PLCB4: variants seen among roughly 807,000 people sequenced by gnomAD.
The protein encoded by PLCB4 is 1-phosphatidylinositol 4,5-bisphosphate phosphodiesterase beta-4.
In PLCB4, 77 loss-of-function variants were observed where a neutral mutation model predicts 178.8. The ratio of observed to expected loss-of-function variants is 0.43; its 90% CI spans 0.36 to 0.52. The LOEUF (loss-of-function observed/expected upper bound fraction) is 0.52. Among genes scored for constraint, PLCB4 ranks in the 20% least tolerant of loss-of-function variants. The probability of loss-of-function intolerance (pLI) is 0.00; values close to 1 mark genes in which losing one functional copy is unlikely to be tolerated. For synonymous variants in PLCB4, 496 were observed against 490.8 expected (o/e 1.01, Z -0.14); for missense variants, 1,024 against 1,453.4 (o/e 0.70, Z 4.80).
chr20:9,250,386 A>G (rs566731303), intron 3 of PLCB4, among the ~76,000 whole-genome samples: 87 of 152,350 alleles, frequency 5.7e-4, no homozygotes, highest in Middle Eastern at 3.4e-3. Context: ...CAGCTTTTCT[A>G]TGAAGCACTC....
At chr20:9,312,947 A>C (rs2147905607) in intron 4 of PLCB4, among the ~76,000 whole-genome samples, 1 of 152,332 alleles carries the variant, frequency 6.6e-6, no homozygotes, top group East Asian at 1.9e-4. Context: ...TATCTATTAA[A>C]CTTCGAAGAA....
chr20:9,402,352 C>A (rs1047741100), intron 20 of PLCB4, among the ~76,000 whole-genome samples: 1 of 152,144 alleles, frequency 6.6e-6, no homozygotes, highest in Non-Finnish European at 1.5e-5. Flanking sequence ...TGCGGAGGGA[C>A]CACAGTAACA....
intron 4 of PLCB4, among the ~76,000 whole-genome samples, chr20:9,324,174 C>CAAAAA (rs112627020): frequency 3.0e-4 from 40 of 135,180 alleles, no homozygotes; most frequent in African/African-American, 9.6e-4. Flanking sequence ...GGTCCTGTCT[C>CAAAAA]AAAAAAAAAA....
At chr20:9,328,645 A>G (rs1318330270) in intron 4 of PLCB4, among the ~76,000 whole-genome samples, 1 of 152,214 alleles carries the variant, frequency 6.6e-6, no homozygotes. Context: ...GAACACTGTC[A>G]GTCTTTCATG....
At chr20:9,262,859 C>T (rs540617097) in intron 3 of PLCB4, among the ~76,000 whole-genome samples, 17 of 152,226 alleles carry the variant, frequency 1.1e-4, no homozygotes, top group African/African-American at 3.6e-4. Flanking sequence ...AAAAGGGGAA[C>T]GTATTGAAAG....
At position 9,216,208 on chromosome 20, in the gene PLCB4, T is replaced by TTTTG. The variant is rs575011384; in HGVS notation, c.-78-1162_-78-1159dup. ...CTTCTTTTTTTTTTTGAGATGGAGT[T>TTTTG]TTTGTTTGTTTGTTTGTTTGTTTTT... On this transcript the variant is annotated intron_variant, in intron 2 of 39. Coordinates refer to ENST00000378473, the MANE Select transcript of PLCB4 (RefSeq NM_001377142.1). Among the ~76,000 whole-genome samples the TTTTG allele has an allele frequency of 7.8e-3, 1,181 of 151,892 alleles. 18 individuals are homozygous for TTTTG. The highest frequency in any genetic ancestry group is 0.027 in the African/African-American group (1,134 of 41,410).
At chr20:9,395,732 G>T (rs1568730982) in intron 19 of PLCB4, 114 bp downstream of exon 19, 1 of 681,086 alleles carries the variant, frequency 1.5e-6, no homozygotes, top group East Asian at 3.1e-5. Context: ...GGGAGGCCAA[G>T]GTGGGAGGAT....
intron 28 of PLCB4, among the ~76,000 whole-genome samples, chr20:9,427,708 G>T (rs568674427): frequency 5.8e-4 from 88 of 152,256 alleles, no homozygotes; most frequent in Middle Eastern, 6.8e-3. Context: ...ATGAAACGAG[G>T]GTCAGTATTT....
At position 9,480,422 on chromosome 20, in the gene PLCB4, A is replaced by G. The variant is rs1302455383; in HGVS notation, c.*1413A>G. On this transcript the variant is annotated 3_prime_UTR_variant, in exon 40 of 40. Coordinates refer to ENST00000378473, the MANE Select transcript of PLCB4 (RefSeq NM_001377142.1). ...ACAAAGCGGAGAAAATGATGATACCATCAATATTGAAATTAAACTTCCAAC... is the reference window on the plus strand; with the variant it reads ...ACAAAGCGGAGAAAATGATGATACCGTCAATATTGAAATTAAACTTCCAAC... 4 of 152,636 alleles carry G rather than the reference A, an allele frequency of 2.6e-5. No individual in the cohort carries two copies. The highest frequency in any genetic ancestry group is 5.9e-5 in the Non-Finnish European group (4 of 68,044). 9.5% of individuals were successfully genotyped at this position (152,636 alleles called of 1,614,324 possible). A position where few individuals can be genotyped will look rare whatever the true frequency, so the allele number is the denominator to read the frequency against.
In PLCB4 at chr20:9,387,561, C is replaced by T. The variant is rs781508943; in HGVS notation, c.1158+5C>T. The stretch of plus-strand genomic sequence containing the variant: ...TGTACAGATATCCTTTTTAAGGTAA[C>T]TTTAAAAATAATTACACAGACTTTT... On this transcript the variant is annotated splice_donor_5th_base_variant and intron_variant, in intron 15 of 39. Transcript: ENST00000378473. 1.4e-6 allele frequency: 2 copies of T among 1,382,884 alleles called. No homozygotes were observed. The highest frequency in any genetic ancestry group is 1.3e-5 in the South Asian group (1 of 78,592). 85.7% of individuals were successfully genotyped at this position (1,382,884 alleles called of 1,614,324 possible).
At position 9,459,635 on chromosome 20, in the gene PLCB4, G is replaced by A. The variant is rs995467834; in HGVS notation, c.3073G>A (p.Val1025Ile). 5.0e-6 allele frequency: 8 copies of A among 1,595,690 alleles called. No individual in the cohort carries two copies. The highest frequency in any genetic ancestry group is 1.7e-5 in the Admixed American group (1 of 59,504). ...QTLTSDHKSK[V>I]KEIVAQHTKE... is the part of the protein sequence containing the mutation. Reference sequence around the variant, plus strand: ...GCACCGTCCCCTTTTTCCCAAACAGGTCAAAGAGATTGTAGCACAGCACAC... The same window carrying A: ...GCACCGTCCCCTTTTTCCCAAACAGATCAAAGAGATTGTAGCACAGCACAC... The change falls in exon 35 of 40, where the codon GTC becomes ATC. Residue 1025 changes from valine (V) to isoleucine (I), a missense_variant and splice_region_variant. Physicochemically the swap from Val to Ile is conservative, Grantham distance 29. Coordinates refer to ENST00000378473, the MANE Select transcript of PLCB4 (RefSeq NM_001377142.1).
intron 2 of PLCB4, among the ~76,000 whole-genome samples, chr20:9,189,816 C>G (rs969348119): frequency 2.6e-5 from 4 of 152,048 alleles, no homozygotes; most frequent in African/African-American, 9.7e-5. Context: ...TGCGCTAGCC[C>G]CTTTATAAGG....
intron 7 of PLCB4, among the ~76,000 whole-genome samples, chr20:9,352,889 T>A (rs1029919524): frequency 5.3e-5 from 8 of 152,164 alleles, no homozygotes; most frequent in African/African-American, 1.9e-4. Flanking sequence ...TCTTTTTTGC[T>A]CACATACTCA....
chr20:9,249,141 C>T (rs181730271), intron 3 of PLCB4, among the ~76,000 whole-genome samples: 98 of 152,218 alleles, frequency 6.4e-4, no homozygotes, highest in Middle Eastern at 6.8e-3. Context: ...ATTGAGTCCA[C>T]GTGGATAATC....
chr20:9,224,637 C>T (rs756644631), intron 3 of PLCB4, among the ~76,000 whole-genome samples: 4 of 152,196 alleles, frequency 2.6e-5, no homozygotes, highest in Admixed American at 6.5e-5. Flanking sequence ...CAGAATTCTT[C>T]GGTTTGGCCA....
chr20:9,347,581 A>G (rs536017800), intron 7 of PLCB4, among the ~76,000 whole-genome samples: 2 of 152,332 alleles, frequency 1.3e-5, no homozygotes, highest in South Asian at 4.1e-4. Context: ...TGAAACCTGA[A>G]CTTGGACAAA....
At chr20:9,203,567 G>A (rs6056471) in intron 2 of PLCB4, among the ~76,000 whole-genome samples, 6,091 of 152,172 alleles carry the variant, frequency 0.04, 415 homozygotes, top group African/African-American at 0.14. Flanking sequence ...GAATGTAATT[G>A]AGTACTCACT....
intron 12 of PLCB4, 127 bp downstream of exon 12, chr20:9,373,231 T>G: frequency 1.8e-6 from 1 of 549,878 alleles, no homozygotes; most frequent in South Asian, 2.6e-5. Flanking sequence ...ATCTTTCCAT[T>G]ATGGCTTTAC....
intron 7 of PLCB4, among the ~76,000 whole-genome samples, chr20:9,357,547 T>G (rs1468043089): frequency 6.6e-6 from 1 of 152,172 alleles, no homozygotes; most frequent in Non-Finnish European, 1.5e-5. Flanking sequence ...ATTAATAAAC[T>G]GAAATCCTAC....
Sources: gnomAD v4.1 joint callset for allele counts (sites outside exome capture counted in the v4.1 genomes callset) on GRCh38, gnomAD v4.1.1 for gene constraint, MANE v1.5 for transcripts, NCBI Gene and HGNC (gene_info 2026-07-23, HGNC 2026-07-21) for gene names.